Variants in TLK1 observed in about 807,000 individuals in gnomAD.
TLK1 encodes tousled like kinase 1, also known as serine/threonine-protein kinase tousled-like 1.
Under a neutral mutation model 105.3 loss-of-function variants are expected in TLK1, and 24 were observed. The observed-to-expected ratio is 0.23, with a 90% CI of 0.17 to 0.32. The LOEUF is 0.32. Ranked by LOEUF, TLK1 falls within the 10% of genes least tolerant of loss-of-function variation. The pLI is 1.00. For synonymous variants in TLK1, 321 were observed against 310.4 expected (o/e 1.03, Z -0.36); for missense variants, 558 against 910.5 (o/e 0.61, Z 4.98).
Position 170,995,311 on chromosome 2 carries a change from C to T in TLK1, c.2124+1342G>A, listed in dbSNP as rs368455072. ...GGCAAAGGTATCTTCTGTAGGGATA[C>T]AGAATATAGAGATATTATATATTAC... On this transcript the variant is annotated intron_variant, in intron 20 of 20. Transcript: ENST00000431350. Among the ~76,000 whole-genome samples the T allele has an allele frequency of 1.1e-4, 16 of 151,904 alleles. 1 individual carries two copies. The East Asian group carries it at 1.5e-3, about 15-fold the overall frequency.
At chr2:171,137,395 T>C (rs1691369565) in intron 1 of TLK1, among the ~76,000 whole-genome samples, 1 of 152,022 alleles carries the variant, frequency 6.6e-6, no homozygotes, top group African/African-American at 2.4e-5. Flanking sequence ...CAAATTAAAA[T>C]GTTGATTCAA....
intron 1 of TLK1, among the ~76,000 whole-genome samples, chr2:171,228,363 G>C (rs1249886065): frequency 6.6e-6 from 1 of 152,150 alleles, no homozygotes; most frequent in Admixed American, 6.5e-5. Flanking sequence ...AGACCAGCCT[G>C]AGCAACACTG....
intron 1 of TLK1, among the ~76,000 whole-genome samples, chr2:171,175,631 G>C (rs1464206174): frequency 6.6e-6 from 1 of 152,160 alleles, no homozygotes; most frequent in Non-Finnish European, 1.5e-5. Context: ...CATTCTATCT[G>C]TAACACACTT....
Position 171,160,265 on chromosome 2 carries a change from C to A in TLK1, c.139+25G>T. The A allele has an allele frequency of 6.7e-7, 1 of 1,487,512 alleles. No homozygotes were observed. Among genetic ancestry groups the A allele is most frequent in the Non-Finnish European group, 8.9e-7 (1 of 1,124,072 alleles). The allele number at this position is 1,487,512 out of a possible 1,614,324, so 92.1% of individuals were successfully genotyped here. A position where few individuals can be genotyped will look rare whatever the true frequency, so the allele number is the denominator to read the frequency against. On this transcript the variant is annotated intron_variant, in intron 1 of 20. Coordinates refer to ENST00000431350, the MANE Select transcript of TLK1 (RefSeq NM_012290.5). The surrounding 1 kb of genome is among the most constrained non-coding windows in gnomAD (Gnocchi z 4.4). ...CGGCGCGGGAGAGGAGGCCCGCGAG[C>A]GGGCGCGGGCGCGGCGGTGCTTACC...
At chr2:171,006,371 G>A in intron 17 of TLK1, 89 bp from the exon 18 acceptor site, 6 of 1,471,398 alleles carry the variant, frequency 4.1e-6, no homozygotes, top group Non-Finnish European at 4.5e-6. Flanking sequence ...TTTTACTGAT[G>A]TCTTACAAGA....
At chr2:171,053,639 G>A (rs746477266) in intron 8 of TLK1, 122 bp downstream of exon 8, 82 of 701,632 alleles carry the variant, frequency 1.2e-4, no homozygotes, top group African/African-American at 2.0e-4. Flanking sequence ...GGGATTACAG[G>A]CATGAGCCAC....
chr2:171,014,894 G>C lies in TLK1; in HGVS notation c.1291C>G (p.His431Asp). 6.2e-7 allele frequency: 1 copy of C among 1,613,908 alleles called. No individual in the cohort carries two copies. The highest frequency in any genetic ancestry group is 8.5e-7 in the Non-Finnish European group (1 of 1,179,872). ...LERLERVRNL[H>D]IRELKRINNE... The stretch of plus-strand genomic sequence containing the variant: ...TTTATTCTTTTCAGCTCACGTATGT[G>C]AAGATTTCTGACTCTTTCCAAACGT... The change falls in exon 13 of 21, where the codon CAC (histidine) becomes GAC (aspartate). Residue 431 changes from histidine (H) to aspartate (D), a missense_variant. His to Asp is a moderately conservative substitution (Grantham distance 81). Coordinates refer to ENST00000431350, the MANE Select transcript of TLK1 (RefSeq NM_012290.5).
chr2:171,196,230 C>T (rs570373118), intron 1 of TLK1, among the ~76,000 whole-genome samples: 1 of 151,724 alleles, frequency 6.6e-6, no homozygotes, highest in South Asian at 2.1e-4. Flanking sequence ...GATTCTACTG[C>T]CTCAGCCTCC....
intron 3 of TLK1, chr2:171,081,826 AAC>A: frequency 1.7e-6 from 1 of 600,026 alleles, no homozygotes; most frequent in Non-Finnish European, 2.7e-6. Flanking sequence ...TGCTTTCAAT[AAC>A]ACAGAGCTAA....
At chr2:170,996,554 G>T in intron 20 of TLK1, 99 bp downstream of exon 20, 1 of 919,612 alleles carries the variant, frequency 1.1e-6, no homozygotes, top group Non-Finnish European at 1.7e-6. Flanking sequence ...GCAGCAGCGA[G>T]TCTTGTGACT....
chr2:171,027,361 A>G (rs1685822884), intron 12 of TLK1, among the ~76,000 whole-genome samples: 1 of 152,214 alleles, frequency 6.6e-6, no homozygotes, highest in Non-Finnish European at 1.5e-5. Context: ...TTTTGAGGGA[A>G]AAAAACCTAC....
intron 1 of TLK1, among the ~76,000 whole-genome samples, chr2:171,183,336 A>G (rs1266281836): frequency 6.6e-6 from 1 of 152,152 alleles, no homozygotes; most frequent in Non-Finnish European, 1.5e-5. Flanking sequence ...TATCCTGAAT[A>G]TATCTTATCA....
At chr2:171,058,308 C>T (rs1687595889) in intron 4 of TLK1, 111 bp from the exon 5 acceptor site, 1 of 1,001,892 alleles carries the variant, frequency 1.0e-6, no homozygotes, top group Non-Finnish European at 1.5e-6. Context: ...AATCAAATGA[C>T]ATTTCAATAG....
chr2:171,090,603 C>T (rs1029919950), intron 2 of TLK1, among the ~76,000 whole-genome samples: 1 of 152,116 alleles, frequency 6.6e-6, no homozygotes, highest in African/African-American at 2.4e-5. Context: ...TGGGATTTTC[C>T]TAGGTATTCA....
At position 170,992,802 on chromosome 2, in the gene TLK1, T is replaced by TACAATATCCA. The variant is rs1019969241; in HGVS notation, c.*968_*977dup. ...TGCCTTCAAGAAGACTTAAAAAAAA[T>TACAATATCCA]ACAATATCCAATTAGAAAAGCCATA... On this transcript the variant is annotated 3_prime_UTR_variant, in exon 21 of 21. Coordinates refer to ENST00000431350, the MANE Select transcript of TLK1 (RefSeq NM_012290.5). The TACAATATCCA allele has an allele frequency of 2.6e-5, 4 of 152,558 alleles. No homozygotes were observed. The highest frequency in any genetic ancestry group is 9.7e-5 in the African/African-American group (4 of 41,426). 9.5% of individuals were successfully genotyped at this position (152,558 alleles called of 1,614,324 possible).
At chr2:171,205,160 C>T (rs940928507) in intron 1 of TLK1, among the ~76,000 whole-genome samples, 1 of 151,750 alleles carries the variant, frequency 6.6e-6, no homozygotes, top group Non-Finnish European at 1.5e-5. Flanking sequence ...TCACAGTGGG[C>T]CATGATCATA....
intron 3 of TLK1, chr2:171,066,790 T>C: frequency 6.5e-7 from 1 of 1,533,862 alleles, no homozygotes; most frequent in South Asian, 1.2e-5. Flanking sequence ...TGTTAAACAG[T>C]ATATACTATA....
At chr2:171,044,418 A>C (rs373417523) in intron 11 of TLK1, among the ~76,000 whole-genome samples, 33 of 152,368 alleles carry the variant, frequency 2.2e-4, no homozygotes, top group African/African-American at 7.5e-4. Context: ...TCGGAAAGAT[A>C]ACAGTAAATA....
intron 7 of TLK1, chr2:171,054,237 T>C (rs1687388729): frequency 1.3e-5 from 2 of 153,840 alleles, no homozygotes; most frequent in South Asian, 4.1e-4. Context: ...CAATGTGGAA[T>C]GGCTAAATCA....
Sources: gnomAD v4.1 joint callset for allele counts (sites outside exome capture counted in the v4.1 genomes callset) on GRCh38, gnomAD v4.1.1 for gene constraint, Gnocchi (gnomAD v3.1) non-coding constraint, MANE v1.5 for transcripts, NCBI Gene and HGNC (gene_info 2026-07-23, HGNC 2026-07-21) for gene names.